Variants in GPI observed in about 807,000 individuals in gnomAD.
GPI encodes glucose-6-phosphate isomerase.
In GPI, 56 loss-of-function variants were observed where a neutral mutation model predicts 75.8. The observed-to-expected ratio is 0.74, with a 90% CI of 0.60 to 0.92. The LOEUF (loss-of-function observed/expected upper bound fraction) is 0.92, where lower values mean the gene tolerates loss of function less well. GPI is among the 40% of genes least tolerant of loss of function. The pLI, the probability that GPI is intolerant of heterozygous loss-of-function variation, is 0.00. For synonymous variants in GPI, 288 were observed against 285.4 expected (o/e 1.01, Z -0.09); for missense variants, 638 against 741.0 (o/e 0.86, Z 1.61).
Position 34,366,869 on chromosome 19 carries a change from A to G in GPI, c.282+18A>G, listed in dbSNP as rs2074374916. The G allele has an allele frequency of 1.9e-6, 3 of 1,555,490 alleles. No homozygotes were observed. Among genetic ancestry groups the G allele is most frequent in the South Asian group, 2.2e-5 (2 of 89,860 alleles). ...ACACCGAGGTGAGCAGGCCCCACAT[A>G]CCCTCTGGGGCCTCCTTCCTTCCCT... On this transcript the variant is annotated intron_variant, in intron 3 of 17. Transcript: ENST00000356487.
chr19:34,364,799 T>C (rs2074328871), upstream of GPI: 8 of 485,826 alleles, frequency 1.6e-5, no homozygotes, highest in Middle Eastern at 5.4e-4. Context: ...TTGGCACATA[T>C]GTATCCACAG....
At position 34,377,885 on chromosome 19, in the gene GPI, T is replaced by C; in HGVS notation, c.633+4T>C. On this transcript the variant is annotated splice_donor_region_variant and intron_variant, in intron 6 of 17. Coordinates refer to ENST00000356487, the MANE Select transcript of GPI (RefSeq NM_000175.5). The stretch of plus-strand genomic sequence containing the variant: ...CCTGTTCATCATTGCCTCCAAGGTA[T>C]GAGTGCCGAAAACTGCCCGGCCCCT... The C allele has an allele frequency of 1.2e-6, 2 of 1,614,056 alleles. No individual in the cohort carries two copies. The highest frequency in any genetic ancestry group is 1.7e-6 in the Non-Finnish European group (2 of 1,179,974).
chr19:34,378,661 G>A (rs954122852), intron 6 of GPI, among the ~76,000 whole-genome samples: 3 of 152,220 alleles, frequency 2.0e-5, no homozygotes, highest in Non-Finnish European at 4.4e-5. Flanking sequence ...AGCCTGGGCC[G>A]AAGAGAGCCT....
chr19:34,396,093 C>T (rs577802853), intron 12 of GPI, among the ~76,000 whole-genome samples: 2 of 152,198 alleles, frequency 1.3e-5, no homozygotes, highest in African/African-American at 4.8e-5. Flanking sequence ...CATGCGCCAT[C>T]ACACCTGGCT....
chr19:34,399,163 G>T, intron 14 of GPI, 44 bp from the exon 15 acceptor site: 1 of 1,596,284 alleles, frequency 6.3e-7, no homozygotes. Flanking sequence ...TCTGCCTGAA[G>T]CCCAGACAGT....
intron 8 of GPI, chr19:34,379,958 C>A: frequency 8.8e-6 from 2 of 228,268 alleles, no homozygotes; most frequent in Non-Finnish European, 1.7e-5. Context: ...AGGGAGGTGA[C>A]ATTTTGCCCC....
chr19:34,381,957 G>A (rs1257730384), intron 9 of GPI, among the ~76,000 whole-genome samples: 2 of 152,168 alleles, frequency 1.3e-5, no homozygotes, highest in African/African-American at 4.8e-5. Context: ...GAGCTGGGGG[G>A]GTGGCGTAGA....
chr19:34,361,419 T>A (rs2074300892), upstream of GPI, among the ~76,000 whole-genome samples: 2 of 152,036 alleles, frequency 1.3e-5, no homozygotes, highest in African/African-American at 4.8e-5. Context: ...ACCTCTCTGT[T>A]AAATGGGGAG....
chr19:34,366,405 GGAGGAC>G lies in GPI; in HGVS notation c.185_190del (p.Glu62_Asp63del). 6.2e-7 allele frequency: 1 copy of G among 1,613,358 alleles called. No individual in the cohort carries two copies. Among genetic ancestry groups the G allele is most frequent in the South Asian group, 1.1e-5 (1 of 91,062 alleles). On this transcript the variant is annotated inframe_deletion, in exon 2 of 18. Coordinates refer to ENST00000356487, the MANE Select transcript of GPI (RefSeq NM_000175.5). ...TGGATTACTCCAAGAACCTGGTGAC[GGAGGAC>G]GTGATGCGGATGCTGGTGGACTTGG...
chr19:34,384,451 G>A (rs1198234879), intron 9 of GPI, among the ~76,000 whole-genome samples: 1 of 152,168 alleles, frequency 6.6e-6, no homozygotes, highest in East Asian at 1.9e-4. Flanking sequence ...TAAGCATGGT[G>A]GGTAGAGTTT....
chr19:34,377,137 C>CCCATG (rs2074549987), intron 4 of GPI, among the ~76,000 whole-genome samples: 1 of 149,814 alleles, frequency 6.7e-6, no homozygotes, highest in Non-Finnish European at 1.5e-5. Flanking sequence ...CCTGTCTCTA[C>CCCATG]TAAAAATACA....
chr19:34,377,883 T>C lies in GPI; in HGVS notation c.633+2T>C, dbSNP rs879182695. On this transcript the variant is annotated splice_donor_variant, in intron 6 of 17. Coordinates refer to ENST00000356487, the MANE Select transcript of GPI (RefSeq NM_000175.5). LOFTEE classifies it high-confidence loss of function. ...TCCCTGTTCATCATTGCCTCCAAGGTATGAGTGCCGAAAACTGCCCGGCCC... is the reference window on the plus strand; with the variant it reads ...TCCCTGTTCATCATTGCCTCCAAGGCATGAGTGCCGAAAACTGCCCGGCCC... The C allele has an allele frequency of 6.2e-7, 1 of 1,613,988 alleles. No homozygotes were observed. Among genetic ancestry groups the C allele is most frequent in the Non-Finnish European group, 8.5e-7 (1 of 1,179,984 alleles).
chr19:34,370,307 T>A (rs2074431791), intron 4 of GPI, among the ~76,000 whole-genome samples: 1 of 152,178 alleles, frequency 6.6e-6, no homozygotes, highest in Non-Finnish European at 1.5e-5. Flanking sequence ...CTGTGCATGC[T>A]ACGAGGGTGA....
At position 34,400,557 on chromosome 19, in the gene GPI, A is replaced by C; in HGVS notation, c.*521A>C. The C allele has an allele frequency of 1.1e-5, 5 of 444,630 alleles. No individual in the cohort carries two copies. Among genetic ancestry groups the C allele is most frequent in the East Asian group, 3.2e-5 (1 of 30,850 alleles). 27.5% of individuals were successfully genotyped at this position (444,630 alleles called of 1,614,324 possible). A position where few individuals can be genotyped will look rare whatever the true frequency, so the allele number is the denominator to read the frequency against. On this transcript the variant is annotated 3_prime_UTR_variant, in exon 18 of 18. Coordinates refer to ENST00000356487, the MANE Select transcript of GPI (RefSeq NM_000175.5). ...TCACCAAATCCCAAGACTGTTTTCC[A>C]CTCCTCACCTCTGTGACTGCAGAAA...
intron 4 of GPI, among the ~76,000 whole-genome samples, chr19:34,376,875 T>A (rs1220207642): frequency 6.6e-6 from 1 of 151,772 alleles, no homozygotes; most frequent in Non-Finnish European, 1.5e-5. Flanking sequence ...TGGCAAAACC[T>A]CGTCCCTACT....
chr19:34,398,584 C>T (rs972598236), intron 14 of GPI: 4 of 152,286 alleles, frequency 2.6e-5, no homozygotes, highest in South Asian at 2.1e-4. Flanking sequence ...AAGTGATTCT[C>T]GTGCTTAAGC....
intron 8 of GPI, 128 bp from the exon 9 acceptor site, chr19:34,381,338 C>T (rs1301552740): frequency 9.1e-6 from 7 of 769,962 alleles, no homozygotes; most frequent in Admixed American, 8.9e-5. Flanking sequence ...AGCCCTGCCC[C>T]ATCCCTGGCT....
intron 12 of GPI, among the ~76,000 whole-genome samples, chr19:34,395,227 C>T (rs1247596237): frequency 1.3e-5 from 2 of 152,106 alleles, no homozygotes; most frequent in Non-Finnish European, 2.9e-5. Flanking sequence ...GTGGTGACAG[C>T]CCTCAAAGGC....
In GPI at chr19:34,401,257, G is replaced by A. The variant is rs1170804832; in HGVS notation, c.*1221G>A. 2.7e-5 allele frequency: 4 copies of A among 150,198 alleles called. No individual in the cohort carries two copies. Among genetic ancestry groups the A allele is most frequent in the African/African-American group, 4.9e-5 (2 of 40,670 alleles). The allele number at this position is 150,198 out of a possible 1,614,324, so 9.3% of individuals were successfully genotyped here. A position where few individuals can be genotyped will look rare whatever the true frequency, so the allele number is the denominator to read the frequency against. On this transcript the variant is annotated 3_prime_UTR_variant, in exon 18 of 18. Coordinates refer to ENST00000356487, the MANE Select transcript of GPI (RefSeq NM_000175.5). The stretch of plus-strand genomic sequence containing the variant: ...TTTTGAGACGGAGTCTCGCTCTGTC[G>A]CCCAAGCTGGAGTGCAGTAGCACGG...
Sources: allele counts gnomAD v4.1 joint callset (sites outside exome capture counted in the v4.1 genomes callset), GRCh38; gene constraint gnomAD v4.1.1; transcripts MANE v1.5; gene names NCBI Gene and HGNC (gene_info 2026-07-23, HGNC 2026-07-21).